Variants in CNTNAP4 observed in about 807,000 individuals in gnomAD.
CNTNAP4 encodes the protein contactin associated protein family member 4.
A neutral mutation model predicts 148.4 loss-of-function variants in CNTNAP4; 98 were observed. The ratio of observed to expected loss-of-function variants is 0.66; its 90% CI spans 0.56 to 0.78. CNTNAP4 has a LOEUF of 0.78. Ranked by LOEUF, CNTNAP4 falls within the 30% of genes least tolerant of loss-of-function variation. The probability of loss-of-function intolerance (pLI) is 0.00; values close to 1 mark genes in which losing one functional copy is unlikely to be tolerated. For synonymous variants in CNTNAP4, 730 were observed against 565.1 expected (o/e 1.29, Z -4.14); for missense variants, 1,935 against 1,565.6 (o/e 1.24, Z -3.98).
intron 15 of CNTNAP4, among the ~76,000 whole-genome samples, chr16:76,503,607 C>T (rs2082731542): frequency 6.6e-6 from 1 of 152,044 alleles, no homozygotes; most frequent in African/African-American, 2.4e-5. Context: ...TATACATGTG[C>T]CATGTTGGTG....
intron 3 of CNTNAP4, among the ~76,000 whole-genome samples, chr16:76,422,122 A>AT (rs1320942698): frequency 6.6e-6 from 1 of 152,112 alleles, no homozygotes; most frequent in Non-Finnish European, 1.5e-5. Context: ...AACTCCATAA[A>AT]TTTTCTTGGT....
intron 15 of CNTNAP4, among the ~76,000 whole-genome samples, chr16:76,502,322 T>A (rs1043241925): frequency 2.6e-5 from 4 of 152,152 alleles, no homozygotes; most frequent in Non-Finnish European, 5.9e-5. Flanking sequence ...AATACTCCTT[T>A]TTTCCATATG....
rs114440658 is a variant in CNTNAP4, at chr16:76,282,257, T to G, written c.85+4510T>G. Among the ~76,000 whole-genome samples, 1,153 of 152,014 alleles carry G rather than the reference T, an allele frequency of 7.6e-3. 11 individuals are homozygous for G. Among genetic ancestry groups the G allele is most frequent in the African/African-American group, 0.026 (1,087 of 41,536 alleles). ...TAAAGACTTTATTGTTCAAAAATCTTGATATTTCAGTGGGTATAAATTATT... is the reference window on the plus strand; with the variant it reads ...TAAAGACTTTATTGTTCAAAAATCTGGATATTTCAGTGGGTATAAATTATT... On this transcript the variant is annotated intron_variant, in intron 1 of 23. Coordinates refer to ENST00000611870, the MANE Select transcript of CNTNAP4 (RefSeq NM_033401.5).
chr16:76,454,897 T>C (rs2080663260), intron 8 of CNTNAP4, among the ~76,000 whole-genome samples: 1 of 152,228 alleles, frequency 6.6e-6, no homozygotes, highest in Non-Finnish European at 1.5e-5. Flanking sequence ...TTACAAATCT[T>C]ATATGTTTGA....
intron 15 of CNTNAP4, among the ~76,000 whole-genome samples, chr16:76,504,682 C>T (rs963904239): frequency 1.3e-5 from 2 of 152,068 alleles, no homozygotes; most frequent in African/African-American, 4.8e-5. Flanking sequence ...AGAAAAGCTA[C>T]AGACTGGGTG....
intron 1 of CNTNAP4, among the ~76,000 whole-genome samples, chr16:76,292,306 C>G (rs1959147389): frequency 6.6e-6 from 1 of 152,152 alleles, no homozygotes; most frequent in South Asian, 2.1e-4. Context: ...AAGATAATTC[C>G]TTGCCTCTTC....
At chr16:76,440,351 T>C (rs377727529) in intron 4 of CNTNAP4, among the ~76,000 whole-genome samples, 15 of 152,252 alleles carry the variant, frequency 9.9e-5, no homozygotes, top group Middle Eastern at 3.4e-3. Flanking sequence ...TATTCCAATT[T>C]TTCTCTTTTA....
chr16:76,336,403 C>T (rs940938368), intron 2 of CNTNAP4, among the ~76,000 whole-genome samples: 3 of 152,204 alleles, frequency 2.0e-5, no homozygotes, highest in African/African-American at 7.2e-5. Context: ...GGAGCATTTA[C>T]ACCACGGGAA....
intron 2 of CNTNAP4, among the ~76,000 whole-genome samples, chr16:76,339,885 T>G (rs1029913299): frequency 2.0e-5 from 3 of 152,244 alleles, no homozygotes; most frequent in Admixed American, 6.5e-5. Context: ...GCAAACTGTA[T>G]TCTTTTATAT....
intron 12 of CNTNAP4, among the ~76,000 whole-genome samples, chr16:76,485,548 C>T (rs1050413339): frequency 1.1e-4 from 17 of 152,168 alleles, no homozygotes; most frequent in Admixed American, 3.9e-4. Context: ...TCAAGTTTTT[C>T]TAAAAGTGAA....
At chr16:76,467,550 CCTGCTTTCAAA>C in intron 10 of CNTNAP4, 27 bp downstream of exon 10, 1 of 1,553,914 alleles carries the variant, frequency 6.4e-7, no homozygotes, top group Non-Finnish European at 8.7e-7. Context: ...TTCATTTTGA[CCTGCTTTCAAA>C]CTTTGGCATC....
chr16:76,487,107 A>T (rs1597704802), intron 12 of CNTNAP4, among the ~76,000 whole-genome samples: 1 of 152,182 alleles, frequency 6.6e-6, no homozygotes, highest in Non-Finnish European at 1.5e-5. Context: ...ACAGTTTCAG[A>T]TTTAACATTA....
chr16:76,318,296 G>C (rs967022366), intron 2 of CNTNAP4, among the ~76,000 whole-genome samples: 3 of 152,080 alleles, frequency 2.0e-5, no homozygotes, highest in Non-Finnish European at 4.4e-5. Flanking sequence ...TATTTATCTT[G>C]ATTTCCTTTG....
At chr16:76,516,454 G>A (rs538775749) in intron 15 of CNTNAP4, among the ~76,000 whole-genome samples, 223 of 152,312 alleles carry the variant, frequency 1.5e-3, no homozygotes, top group Middle Eastern at 3.4e-3. Flanking sequence ...TAATGGCATT[G>A]CTGGGTCAAA....
At position 76,558,636 on chromosome 16, in the gene CNTNAP4, A is replaced by G. The variant is rs1190150382; in HGVS notation, c.3880A>G (p.Asn1294Asp). 7 of 1,612,480 alleles carry G rather than the reference A, an allele frequency of 4.3e-6. No homozygotes were observed. The highest frequency in any genetic ancestry group is 4.2e-6 in the Non-Finnish European group (5 of 1,179,342). Residue 1294 changes from asparagine to aspartate, a missense_variant, in exon 24 of 24, where the codon AAT becomes GAT. Physicochemically the swap from Asn to Asp is conservative, Grantham distance 23. Transcript: ENST00000611870. The stretch of plus-strand genomic sequence containing the variant: ...TGAGGCTGTTCTGAAAAGTGAGCTT[A>G]ATATACAAAATGCAGTCAATGAAAA... ...SAEAVLKSEL[N>D]IQNAVNENQK...
intron 3 of CNTNAP4, among the ~76,000 whole-genome samples, chr16:76,410,283 C>T (rs1315634083): frequency 6.6e-6 from 1 of 151,682 alleles, no homozygotes; most frequent in Non-Finnish European, 1.5e-5. Context: ...TTTTTGTGAA[C>T]ATGAAATAAA....
At chr16:76,443,923 C>T (rs1002519371) in intron 4 of CNTNAP4, among the ~76,000 whole-genome samples, 3 of 152,080 alleles carry the variant, frequency 2.0e-5, no homozygotes, top group African/African-American at 7.2e-5. Context: ...CTTTCTTGGT[C>T]ATTGATGTGA....
rs1293894844 is a variant in CNTNAP4 at position 76,427,530 on chromosome 16, T to C, written c.469T>C (p.Phe157Leu). 6.2e-7 allele frequency: 1 copy of C among 1,613,234 alleles called. No individual in the cohort carries two copies. Among genetic ancestry groups the C allele is most frequent in the East Asian group, 2.2e-5 (1 of 44,848 alleles). Residue 157 changes from phenylalanine to leucine, a missense_variant, in exon 4 of 24, where the codon TTC becomes CTC. Physicochemically the swap from Phe to Leu is conservative, Grantham distance 22. Coordinates refer to ENST00000611870, the MANE Select transcript of CNTNAP4 (RefSeq NM_033401.5). ...TTCTATCAAAGCCAGATTTCTGCGCTTCATCCCTTTGGAATGGAACCCCAA... is the reference window on the plus strand; with the variant it reads ...TTCTATCAAAGCCAGATTTCTGCGCCTCATCCCTTTGGAATGGAACCCCAA... The part of the protein sequence containing the change: ...QPSIKARFLR[F>L]IPLEWNPKGR...
At chr16:76,417,362 G>A (rs4277374) in intron 3 of CNTNAP4, among the ~76,000 whole-genome samples, 118,674 of 151,124 alleles carry the variant, frequency 0.79, 46,997 homozygotes, top group Non-Finnish European at 0.84. Flanking sequence ...TACTGTATCA[G>A]TCATACTTTA....
Sources: gnomAD v4.1 joint callset for allele counts (sites outside exome capture counted in the v4.1 genomes callset) on GRCh38, gnomAD v4.1.1 for gene constraint, MANE v1.5 for transcripts, NCBI Gene and HGNC (gene_info 2026-07-23, HGNC 2026-07-21) for gene names.